DRD2: variants seen among roughly 807,000 people sequenced by gnomAD.
DRD2 encodes D(2) dopamine receptor.
In DRD2, 8 loss-of-function variants were observed where a neutral mutation model predicts 38.0. That is an observed-to-expected ratio of 0.21 (90% CI 0.12 to 0.38). The LOEUF is 0.38. Among genes scored for constraint, DRD2 ranks in the 10% least tolerant of loss-of-function variants. The probability of loss-of-function intolerance (pLI) is 1.00; values close to 1 mark genes in which losing one functional copy is unlikely to be tolerated. For synonymous variants in DRD2, 230 were observed against 238.6 expected, an observed-to-expected ratio of 0.96 and a Z score of 0.33; for missense variants, 403 against 607.7, an observed-to-expected ratio of 0.66 and a Z score of 3.54.
intron 6 of DRD2, 55 bp from the exon 7 acceptor site, chr11:113,412,938 C>T: frequency 1.3e-6 from 2 of 1,548,132 alleles, no homozygotes; most frequent in East Asian, 4.7e-5. Flanking sequence ...CAGGCATCAG[C>T]CACCCATCTC....
At chr11:113,452,469 T>TGTGTGCGC (rs1210531875) in intron 1 of DRD2, among the ~76,000 whole-genome samples, 175 of 118,818 alleles carry the variant, frequency 1.5e-3, no homozygotes, top group South Asian at 3.5e-3. Flanking sequence ...TGTGTGTGTG[T>TGTGTGCGC]GCGCGCGCGC....
chr11:113,449,442 G>T (rs1036826690), intron 1 of DRD2, among the ~76,000 whole-genome samples: 4 of 152,158 alleles, frequency 2.6e-5, no homozygotes, highest in Non-Finnish European at 4.4e-5. Flanking sequence ...CATTCATGAC[G>T]TTTGGACATG....
chr11:113,430,824 T>C (rs1262121828), intron 1 of DRD2, among the ~76,000 whole-genome samples: 1 of 152,170 alleles, frequency 6.6e-6, no homozygotes, highest in African/African-American at 2.4e-5. Context: ...TGAGGGAAAA[T>C]GCAAAGCCAC....
chr11:113,416,522 T>C (rs77711341), intron 4 of DRD2, among the ~76,000 whole-genome samples: 6,180 of 152,328 alleles, frequency 0.041, 429 homozygotes, highest in African/African-American at 0.14. Context: ...CCATCCCATG[T>C]TCATGTGCAC....
intron 2 of DRD2, among the ~76,000 whole-genome samples, chr11:113,422,761 C>G (rs767344486): frequency 2.0e-5 from 3 of 152,134 alleles, no homozygotes; most frequent in Non-Finnish European, 4.4e-5. Context: ...AGTAAGCGCA[C>G]GAGCCCCTTG....
intron 1 of DRD2, among the ~76,000 whole-genome samples, chr11:113,432,596 G>T (rs1319199649): frequency 1.3e-5 from 2 of 152,148 alleles, no homozygotes; most frequent in Non-Finnish European, 2.9e-5. Context: ...TTTCTGAGAT[G>T]CAAAGCATTT....
At chr11:113,431,925 T>A (rs1950991086) in intron 1 of DRD2, among the ~76,000 whole-genome samples, 1 of 152,202 alleles carries the variant, frequency 6.6e-6, no homozygotes, top group South Asian at 2.1e-4. Flanking sequence ...CAGGCCACCC[T>A]GCTCAGGCCA....
At chr11:113,418,003 C>T (rs202075929) in intron 3 of DRD2, 24 bp downstream of exon 3, 39 of 1,603,302 alleles carry the variant, frequency 2.4e-5, no homozygotes, top group Non-Finnish European at 3.2e-5. Context: ...CCAGAGCAAC[C>T]TCTTCCACCC....
At chr11:113,413,721 C>CGAGGATGGA (rs1950793610) in intron 6 of DRD2, 1 of 220,946 alleles carries the variant, frequency 4.5e-6, no homozygotes, top group Non-Finnish European at 9.3e-6. Context: ...CCCTGTTCTC[C>CGAGGATGGA]ATCCCTCTGG....
intron 1 of DRD2, among the ~76,000 whole-genome samples, chr11:113,451,771 T>C (rs548283440): frequency 6.6e-6 from 1 of 152,074 alleles, no homozygotes; most frequent in South Asian, 2.1e-4. Flanking sequence ...ATTATAGGCC[T>C]GTATCCTCTC....
chr11:113,413,863 T>A, intron 6 of DRD2: 1 of 235,160 alleles, frequency 4.3e-6, no homozygotes, highest in Non-Finnish European at 8.5e-6. Flanking sequence ...GCTGCTCTGC[T>A]GCGTCCTACC....
At chr11:113,415,834 A>G (rs913148267) in intron 4 of DRD2, among the ~76,000 whole-genome samples, 1 of 152,240 alleles carries the variant, frequency 6.6e-6, no homozygotes, top group Non-Finnish European at 1.5e-5. Context: ...AGCTGTGATG[A>G]TGGACTGCTC....
At chr11:113,454,662 T>A (rs907598842) in intron 1 of DRD2, among the ~76,000 whole-genome samples, 1 of 152,176 alleles carries the variant, frequency 6.6e-6, no homozygotes, top group African/African-American at 2.4e-5. Context: ...GGCACACCCA[T>A]GTTCACTGCA....
intron 7 of DRD2, chr11:113,411,575 C>T: frequency 6.6e-6 from 1 of 152,662 alleles, no homozygotes; most frequent in Non-Finnish European, 1.5e-5. Flanking sequence ...GATATTTATC[C>T]TGGAAGCAAT....
chr11:113,458,574 A>C (rs1434813499), intron 1 of DRD2, among the ~76,000 whole-genome samples: 2 of 152,200 alleles, frequency 1.3e-5, no homozygotes. Flanking sequence ...ACCAGTTTTG[A>C]TCTGGGGGAA....
At chr11:113,467,484 C>T (rs938627968) in intron 1 of DRD2, among the ~76,000 whole-genome samples, 1 of 152,210 alleles carries the variant, frequency 6.6e-6, no homozygotes, top group Admixed American at 6.5e-5. Flanking sequence ...CCAGAAGCTG[C>T]AGAACACATA....
chr11:113,442,656 A>C (rs556471372), intron 1 of DRD2, among the ~76,000 whole-genome samples: 2 of 152,180 alleles, frequency 1.3e-5, no homozygotes, highest in Admixed American at 1.3e-4. Flanking sequence ...CACAGCAAAC[A>C]CAAATCTCTC....
At chr11:113,429,727 C>G (rs1950969829) in intron 1 of DRD2, among the ~76,000 whole-genome samples, 1 of 152,164 alleles carries the variant, frequency 6.6e-6, no homozygotes, top group African/African-American at 2.4e-5. Flanking sequence ...AGAAGGTACT[C>G]TAGCCTGAGA....
intron 2 of DRD2, among the ~76,000 whole-genome samples, chr11:113,422,892 C>G (rs1950899407): frequency 6.6e-6 from 1 of 152,186 alleles, no homozygotes; most frequent in Admixed American, 6.5e-5. Context: ...TTTCAACAAC[C>G]CCTTCCCTCT....
Sources: allele counts gnomAD v4.1 joint callset (sites outside exome capture counted in the v4.1 genomes callset), GRCh38; gene constraint gnomAD v4.1.1; transcripts MANE v1.5; gene names NCBI Gene and HGNC (gene_info 2026-07-23, HGNC 2026-07-21).